Variants in METAP1 observed in about 807,000 individuals in gnomAD.
The protein encoded by METAP1 is methionine aminopeptidase 1.
METAP1 carries 28 observed loss-of-function variants against 53.8 expected under a neutral mutation model. The observed-to-expected ratio is 0.52, with a 90% CI of 0.39 to 0.71. METAP1 has a LOEUF of 0.71. METAP1 is among the 30% of genes least tolerant of loss of function. METAP1 has a pLI of 0.00. For missense variants in METAP1, 389 were observed against 479.8 expected (o/e 0.81, Z 1.77); for synonymous variants, 181 against 165.7 (o/e 1.09, Z -0.71).
At chr4:99,018,861 G>A (rs192386729) in intron 1 of METAP1, among the ~76,000 whole-genome samples, 7 of 152,192 alleles carry the variant, frequency 4.6e-5, no homozygotes, top group Admixed American at 6.5e-5. Context: ...TACTTTCTCC[G>A]GGCTACTCCC....
At chr4:99,020,462 A>G (rs559328700) in intron 1 of METAP1, among the ~76,000 whole-genome samples, 23 of 152,240 alleles carry the variant, frequency 1.5e-4, no homozygotes, top group Admixed American at 6.5e-4. Flanking sequence ...TTAAGGAGAT[A>G]TCAGAGACTT....
chr4:99,058,406 GGGAAAGCACACCAAGGACACTT>G, intron 10 of METAP1, among the ~76,000 whole-genome samples: 1 of 152,098 alleles, frequency 6.6e-6, no homozygotes, highest in South Asian at 2.1e-4. Context: ...AGCTATTGTG[GGGAAAGCACACCAAGGACACTT>G]GGAAAGCACA....
intron 1 of METAP1, among the ~76,000 whole-genome samples, 160 bp from the exon 2 acceptor site, chr4:99,028,707 G>T (rs2110331139): frequency 6.6e-6 from 1 of 152,236 alleles, no homozygotes; most frequent in African/African-American, 2.4e-5. Flanking sequence ...ATATTGAACA[G>T]GTGTCATTTC....
Position 99,028,870 on chromosome 4 carries a change from T to C in METAP1, c.118T>C (p.Cys40Arg), listed in dbSNP as rs1560712210. 6.5e-7 allele frequency: 1 copy of C among 1,539,704 alleles called. No individual in the cohort carries two copies. The highest frequency in any genetic ancestry group is 8.8e-7 in the Non-Finnish European group (1 of 1,139,928). Residue 40 changes from cysteine (C) to arginine (R), a missense_variant, in exon 2 of 11, where the codon TGT becomes CGT. By Grantham distance (180) the Cys-to-Arg change is radical. Transcript: ENST00000296411. ...TTTTCCTTTTTTGTTCTTTTAGGAA[T>C]GTTTTAAAGGAAGTTGGGCTACTCA... ...IQGSYFCSQE[C>R]FKGSWATHKL... is the part of the protein sequence containing the mutation.
intron 1 of METAP1, among the ~76,000 whole-genome samples, chr4:99,018,953 A>T (rs2110300624): frequency 6.6e-6 from 1 of 152,194 alleles, no homozygotes; most frequent in Non-Finnish European, 1.5e-5. Context: ...ATCCGGATGA[A>T]TTTTCCTCTC....
intron 7 of METAP1, 27 bp downstream of exon 7, chr4:99,043,414 C>G (rs1726013631): frequency 6.4e-7 from 1 of 1,560,564 alleles, no homozygotes; most frequent in Non-Finnish European, 8.7e-7. Context: ...ACTTTCATCA[C>G]CATGGGCAAA....
chr4:99,002,138 A>G (rs1429689659), intron 1 of METAP1, among the ~76,000 whole-genome samples: 1 of 152,170 alleles, frequency 6.6e-6, no homozygotes, highest in Non-Finnish European at 1.5e-5. Flanking sequence ...GCAAAATTTT[A>G]GTTAAGTTTT....
intron 3 of METAP1, 84 bp from the exon 4 acceptor site, chr4:99,035,316 T>G (rs1304979615): frequency 7.2e-6 from 7 of 975,372 alleles, no homozygotes; most frequent in Non-Finnish European, 1.1e-5. Context: ...TTAAAACTTC[T>G]AAAAACTTTT....
chr4:99,026,136 CCTTAA>C, intron 1 of METAP1: 1 of 724,384 alleles, frequency 1.4e-6, no homozygotes. Flanking sequence ...ACTGGTGCAT[CCTTAA>C]CTTTGGCAAA....
chr4:99,045,306 T>C lies in METAP1; in HGVS notation c.783T>C (p.Asp261=), dbSNP rs1478427071. The change falls in exon 8 of 11, where the codon GAT becomes GAC. Residue 261 remains aspartate, a synonymous_variant. Transcript: ENST00000296411. ...ATGAGTGCCTGATGCAAGCCATTGA[T>C]GCAGGTCAGCCTCAGTGTTGAGCAC... ...TTYECLMQAI[D]AVKPGVRYRE... is the part of the protein sequence containing the mutation. 3.1e-6 allele frequency: 5 copies of C among 1,613,524 alleles called. No homozygotes were observed. The highest frequency in any genetic ancestry group is 4.2e-6 in the Non-Finnish European group (5 of 1,179,684).
intron 9 of METAP1, among the ~76,000 whole-genome samples, chr4:99,054,803 G>C (rs1018364887): frequency 1.3e-5 from 2 of 152,176 alleles, no homozygotes; most frequent in Non-Finnish European, 2.9e-5. Flanking sequence ...CCTGAGGAGA[G>C]GGAGAGAGAA....
chr4:99,039,506 G>A (rs774189108), intron 5 of METAP1, 41 bp downstream of exon 5: 10 of 1,211,238 alleles, frequency 8.3e-6, no homozygotes, highest in Non-Finnish European at 7.3e-6. Flanking sequence ...AAATGTTTAA[G>A]CAGTACTTAG....
chr4:98,996,220 G>A (rs1290852321), intron 1 of METAP1, among the ~76,000 whole-genome samples: 1 of 152,180 alleles, frequency 6.6e-6, no homozygotes, highest in Non-Finnish European at 1.5e-5. Context: ...GGCTGCCGGA[G>A]GCAGGTAGCG....
At chr4:99,022,930 G>A in intron 1 of METAP1, 1 of 1,498,366 alleles carries the variant, frequency 6.7e-7, no homozygotes. Flanking sequence ...CTCACCATAG[G>A]CACTGAGAAG....
intron 4 of METAP1, 177 bp from the exon 5 acceptor site, chr4:99,039,197 C>T: frequency 4.5e-6 from 2 of 446,316 alleles, no homozygotes; most frequent in Non-Finnish European, 7.9e-6. Flanking sequence ...TAGCGAGTTT[C>T]CCTTTGATGT....
intron 1 of METAP1, among the ~76,000 whole-genome samples, chr4:99,006,386 A>G (rs1723180161): frequency 6.6e-6 from 1 of 152,206 alleles, no homozygotes; most frequent in African/African-American, 2.4e-5. Flanking sequence ...AAAGAAGAAT[A>G]TAGTATAATT....
At chr4:98,999,463 T>C (rs979467772) in intron 1 of METAP1, among the ~76,000 whole-genome samples, 5 of 150,512 alleles carry the variant, frequency 3.3e-5, no homozygotes, top group African/African-American at 1.2e-4. Context: ...ATTGTTATAC[T>C]GTTTTATGTT....
intron 9 of METAP1, among the ~76,000 whole-genome samples, chr4:99,052,320 C>T (rs1345510646): frequency 1.3e-5 from 2 of 152,152 alleles, no homozygotes; most frequent in Non-Finnish European, 2.9e-5. Flanking sequence ...GTATTACATT[C>T]TCACATTGTT....
intron 1 of METAP1, among the ~76,000 whole-genome samples, chr4:99,002,244 T>C (rs1162028436): frequency 6.6e-6 from 1 of 152,262 alleles, no homozygotes; most frequent in Non-Finnish European, 1.5e-5. Context: ...TAACTCCTTC[T>C]GTAATTGTCT....
Sources: allele counts gnomAD v4.1 joint callset (sites outside exome capture counted in the v4.1 genomes callset), GRCh38; gene constraint gnomAD v4.1.1; transcripts MANE v1.5; gene names NCBI Gene and HGNC (gene_info 2026-07-23, HGNC 2026-07-21).